CCDC158: variants seen among roughly 807,000 people sequenced by gnomAD.
CCDC158 encodes the protein coiled-coil domain-containing protein 158.
In CCDC158, 116 loss-of-function variants were observed where a neutral mutation model predicts 138.6. The ratio of observed to expected loss-of-function variants is 0.84; its 90% CI spans 0.72 to 0.98. The LOEUF is 0.98. Among genes scored for constraint, CCDC158 ranks in the 50% least tolerant of loss-of-function variants. The pLI is 0.00. For synonymous variants in CCDC158, 436 were observed against 442.4 expected, an observed-to-expected ratio of 0.99 and a Z score of 0.18; for missense variants, 1,265 against 1,306.1, an observed-to-expected ratio of 0.97 and a Z score of 0.48.
chr4:76,412,783 T>C (rs1231079989), intron 1 of CCDC158, among the ~76,000 whole-genome samples: 1 of 152,146 alleles, frequency 6.6e-6, no homozygotes. Context: ...ATAGCACTTA[T>C]CTAAATCATG....
At chr4:76,371,280 G>A in intron 10 of CCDC158, 137 bp downstream of exon 10, 2 of 832,866 alleles carry the variant, frequency 2.4e-6, no homozygotes, top group Middle Eastern at 3.5e-4. Context: ...CTTGAATTGT[G>A]TCTAAAATAA....
intron 23 of CCDC158, among the ~76,000 whole-genome samples, chr4:76,324,427 T>C (rs1720336761): frequency 6.6e-6 from 1 of 152,090 alleles, no homozygotes; most frequent in South Asian, 2.1e-4. Flanking sequence ...CCTCAGGTGA[T>C]CCACCCACCT....
rs1430030959 is a variant in CCDC158 at position 76,323,486 on chromosome 4, A to G, written c.3170-77T>C. The G allele has an allele frequency of 4.3e-6, 5 of 1,153,148 alleles. No homozygotes were observed. The East Asian group carries it at 1.0e-4, about 23-fold the overall frequency. The allele number at this position is 1,153,148 out of a possible 1,614,324, so 71.4% of individuals were successfully genotyped here. On this transcript the variant is annotated intron_variant, in intron 23 of 24. Coordinates refer to ENST00000682701, the MANE Select transcript of CCDC158 (RefSeq NM_001394954.1). Reference sequence around the variant, plus strand: ...TTTAGAAATCTTTGAATTAAAGGCTAAACAATTTTTCTTTAAAATAAAGGG... The same window carrying G: ...TTTAGAAATCTTTGAATTAAAGGCTGAACAATTTTTCTTTAAAATAAAGGG...
chr4:76,315,914 G>A (rs76465555), intron 24 of CCDC158, among the ~76,000 whole-genome samples: 3,584 of 152,324 alleles, frequency 0.024, 136 homozygotes, highest in African/African-American at 0.082. Context: ...TCCCTTGGGG[G>A]AGGGGGAGGA....
At position 76,406,273 on chromosome 4, in the gene CCDC158, C is replaced by T. The variant is rs564801938; in HGVS notation, c.-73-2993G>A. ...ATTGCAGTGCACTTGAAGTTAAAAG[C>T]CACATTGCACAATAAAGATATGTAC... is the stretch of plus-strand genomic sequence containing the variant. On this transcript the variant is annotated intron_variant, in intron 2 of 24. Transcript: ENST00000682701. Among the ~76,000 whole-genome samples the T allele has an allele frequency of 4.6e-5, 7 of 152,242 alleles. No individual in the cohort carries two copies. In the East Asian group the frequency reaches 7.7e-4, roughly 17 times the overall value.
At chr4:76,346,779 A>T (rs1186901443) in intron 18 of CCDC158, among the ~76,000 whole-genome samples, 1 of 152,196 alleles carries the variant, frequency 6.6e-6, no homozygotes, top group African/African-American at 2.4e-5. Context: ...CAATCTATCT[A>T]TCTGACAAAG....
intron 17 of CCDC158, 39 bp from the exon 18 acceptor site, chr4:76,351,160 C>A: frequency 1.3e-6 from 2 of 1,550,586 alleles, no homozygotes; most frequent in Non-Finnish European, 1.7e-6. Context: ...TAACTGCCAG[C>A]CTACAATTAT....
chr4:76,331,527 GGA>G, intron 20 of CCDC158, 124 bp from the exon 21 acceptor site: 1 of 727,174 alleles, frequency 1.4e-6, no homozygotes. Context: ...TCTGACAGCT[GGA>G]TAAATAAATC....
chr4:76,328,841 C>A (rs568927535), intron 22 of CCDC158, 59 bp downstream of exon 22: 7 of 1,402,914 alleles, frequency 5.0e-6, no homozygotes, highest in South Asian at 1.2e-5. Flanking sequence ...TGGCTTTTAC[C>A]CTCGTGGAAA....
At chr4:76,321,780 A>AAT (rs938293191) in intron 24 of CCDC158, among the ~76,000 whole-genome samples, 3 of 146,068 alleles carry the variant, frequency 2.1e-5, no homozygotes, top group Admixed American at 6.9e-5. Context: ...ATATATAATA[A>AAT]ATATATATAT....
chr4:76,319,887 G>A (rs1377678619), intron 24 of CCDC158, among the ~76,000 whole-genome samples: 2 of 152,040 alleles, frequency 1.3e-5, no homozygotes, highest in Admixed American at 6.6e-5. Flanking sequence ...TGTACAAAAC[G>A]AGGATGCCCA....
chr4:76,359,417 C>T (rs763457097), intron 13 of CCDC158, among the ~76,000 whole-genome samples: 31 of 152,078 alleles, frequency 2.0e-4, no homozygotes, highest in African/African-American at 7.5e-4. Flanking sequence ...CAGAAGAAGA[C>T]AGGAAGATGT....
chr4:76,370,628 T>C (rs1342809754), intron 10 of CCDC158, among the ~76,000 whole-genome samples: 2 of 151,740 alleles, frequency 1.3e-5, no homozygotes, highest in East Asian at 1.9e-4. Context: ...TAATGAGGGG[T>C]TGAACGAGAG....
At chr4:76,353,484 T>G (rs1723247590) in intron 15 of CCDC158, among the ~76,000 whole-genome samples, 1 of 152,200 alleles carries the variant, frequency 6.6e-6, no homozygotes, top group Non-Finnish European at 1.5e-5. Flanking sequence ...ATTGCTGGTA[T>G]TATTACTTCT....
In CCDC158 at chr4:76,351,028, A is replaced by T; in HGVS notation, c.2632T>A (p.Ser878Thr). The T allele has an allele frequency of 1.2e-6, 2 of 1,613,980 alleles. No homozygotes were observed. The highest frequency in any genetic ancestry group is 1.7e-6 in the Non-Finnish European group (2 of 1,179,904). ...SVTRSHSNVPSSQSTASFLSH... is the reference protein window; with the variant it reads ...SVTRSHSNVPTSQSTASFLSH... ...AGGAAGCTGGCTGTAGACTGCGAAGATGGTACATTAGAATGAGAACGAGTA... is the reference window on the plus strand; with the variant it reads ...AGGAAGCTGGCTGTAGACTGCGAAGTTGGTACATTAGAATGAGAACGAGTA... The change falls in exon 18 of 25, where the codon TCT becomes ACT. Residue 878 changes from serine (S) to threonine (T), a missense_variant. By Grantham distance (58) the Ser-to-Thr change is moderately conservative (BLOSUM62 1). Transcript: ENST00000682701.
intron 18 of CCDC158, among the ~76,000 whole-genome samples, chr4:76,336,908 A>C (rs1248329216): frequency 6.6e-6 from 1 of 152,216 alleles, no homozygotes; most frequent in Non-Finnish European, 1.5e-5. Flanking sequence ...TGTCTTTTCC[A>C]GAAGTTCTTA....
Position 76,351,000 on chromosome 4 carries a change from G to A in CCDC158, c.2660C>T (p.Ser887Phe), listed in dbSNP as rs1722986627. The A allele has an allele frequency of 6.2e-7, 1 of 1,613,370 alleles. No individual in the cohort carries two copies. Among genetic ancestry groups the A allele is most frequent in the African/African-American group, 1.3e-5 (1 of 74,888 alleles). The stretch of plus-strand genomic sequence containing the variant: ...ATCATAAGACTGGTTACTTACATGA[G>A]ACAGGAAGCTGGCTGTAGACTGCGA... Reference protein sequence around the residue: ...PSSQSTASFLSHHSTKANTLK... With the variant: ...PSSQSTASFLFHHSTKANTLK... Residue 887 changes from serine (S) to phenylalanine (F), a missense_variant, in exon 18 of 25, where the codon TCT becomes TTT. Coordinates refer to ENST00000682701, the MANE Select transcript of CCDC158 (RefSeq NM_001394954.1).
At chr4:76,416,867 A>T (rs1729740460) in intron 1 of CCDC158, among the ~76,000 whole-genome samples, 1 of 152,228 alleles carries the variant, frequency 6.6e-6, no homozygotes, top group Non-Finnish European at 1.5e-5. Flanking sequence ...TCAGTGCTGA[A>T]GGGAAATGTG....
At chr4:76,372,375 G>T (rs992356218) in intron 9 of CCDC158, among the ~76,000 whole-genome samples, 4 of 152,158 alleles carry the variant, frequency 2.6e-5, no homozygotes, top group African/African-American at 9.7e-5. Flanking sequence ...AGACTGGGTG[G>T]TTAAGGCTGC....
Sources: gnomAD v4.1 joint callset for allele counts (sites outside exome capture counted in the v4.1 genomes callset) on GRCh38, gnomAD v4.1.1 for gene constraint, MANE v1.5 for transcripts, NCBI Gene and HGNC (gene_info 2026-07-23, HGNC 2026-07-21) for gene names.